SLC25A12: variants seen among roughly 807,000 people sequenced by gnomAD.
The protein encoded by SLC25A12 is electrogenic aspartate/glutamate antiporter SLC25A12, mitochondrial.
A neutral mutation model predicts 83.3 loss-of-function variants in SLC25A12; 32 were observed. The observed-to-expected ratio is 0.38, with a 90% confidence interval of 0.29 to 0.52. The LOEUF is 0.52. SLC25A12 is among the 20% of genes least tolerant of loss of function. The pLI is 0.84. For synonymous variants in SLC25A12, 267 were observed against 291.1 expected (o/e 0.92, Z 0.84); for missense variants, 611 against 835.6 (o/e 0.73, Z 3.31).
intron 9 of SLC25A12, among the ~76,000 whole-genome samples, chr2:171,824,454 T>G (rs1684257413): frequency 6.6e-6 from 1 of 152,164 alleles, no homozygotes; most frequent in African/African-American, 2.4e-5. Flanking sequence ...ACTTTTAAAT[T>G]CAATGTTTTT....
At chr2:171,864,168 A>G (rs1685230732) in intron 3 of SLC25A12, among the ~76,000 whole-genome samples, 1 of 152,204 alleles carries the variant, frequency 6.6e-6, no homozygotes, top group Non-Finnish European at 1.5e-5. Context: ...TGGTAATGGA[A>G]ATAATTTTTA....
At chr2:171,878,775 T>C (rs572294727) in intron 2 of SLC25A12, among the ~76,000 whole-genome samples, 2 of 152,298 alleles carry the variant, frequency 1.3e-5, no homozygotes, top group East Asian at 1.9e-4. Flanking sequence ...ATTTCCCACA[T>C]AGAAAAATGA....
chr2:171,889,864 C>A (rs556528220), intron 2 of SLC25A12, among the ~76,000 whole-genome samples: 8 of 152,314 alleles, frequency 5.3e-5, no homozygotes, highest in Admixed American at 5.2e-4. Flanking sequence ...GGATATTAAA[C>A]CTGCTTCATA....
intron 2 of SLC25A12, among the ~76,000 whole-genome samples, chr2:171,888,511 G>C (rs547017787): frequency 1.3e-5 from 2 of 151,942 alleles, no homozygotes; most frequent in South Asian, 2.1e-4. Context: ...GCACAATCTC[G>C]GCTCACTGCA....
chr2:171,863,939 A>G (rs560438504), intron 3 of SLC25A12, among the ~76,000 whole-genome samples: 3 of 152,342 alleles, frequency 2.0e-5, no homozygotes, highest in African/African-American at 2.4e-5. Context: ...TAAATGATAT[A>G]AAATCTTTCC....
intron 17 of SLC25A12, among the ~76,000 whole-genome samples, chr2:171,785,981 C>G (rs1417321921): frequency 6.6e-6 from 1 of 151,980 alleles, no homozygotes; most frequent in African/African-American, 2.4e-5. Flanking sequence ...GCACTTAGCA[C>G]ATATGAAAGT....
In SLC25A12 at chr2:171,826,794, A is replaced by AT. The variant is rs746487507; in HGVS notation, c.930+3dup. On this transcript the variant is annotated splice_donor_region_variant and intron_variant, in intron 9 of 17. Transcript: ENST00000422440. ...GGTGATCATATTTATGAGATTACTC[A>AT]TACCTGTCTCTGAAGTTCTGCCAGG... 34 of 1,534,454 alleles carry AT rather than the reference A, an allele frequency of 2.2e-5. No individual in the cohort carries two copies. The African/African-American group carries it at 4.0e-4, about 18-fold the overall frequency.
chr2:171,801,469 C>T (rs1683706594), intron 13 of SLC25A12, among the ~76,000 whole-genome samples: 2 of 152,130 alleles, frequency 1.3e-5, no homozygotes, highest in South Asian at 2.1e-4. Context: ...CATAATCAAA[C>T]ATTCAATTAT....
At chr2:171,887,809 T>C (rs932421456) in intron 2 of SLC25A12, among the ~76,000 whole-genome samples, 1 of 152,212 alleles carries the variant, frequency 6.6e-6, no homozygotes, top group Non-Finnish European at 1.5e-5. Flanking sequence ...AATTCATTTG[T>C]TGTACTCCAA....
intron 13 of SLC25A12, among the ~76,000 whole-genome samples, chr2:171,803,895 T>G (rs977217244): frequency 2.6e-5 from 4 of 152,086 alleles, no homozygotes; most frequent in Non-Finnish European, 5.9e-5. Flanking sequence ...CTAGTAGGGA[T>G]GCAAAAGGAT....
At chr2:171,817,904 C>T (rs1258539427) in intron 9 of SLC25A12, among the ~76,000 whole-genome samples, 1 of 152,110 alleles carries the variant, frequency 6.6e-6, no homozygotes, top group Non-Finnish European at 1.5e-5. Flanking sequence ...CTACAAAATC[C>T]TATGAAAACT....
chr2:171,867,127 G>A (rs1197470481), intron 3 of SLC25A12, among the ~76,000 whole-genome samples: 1 of 151,732 alleles, frequency 6.6e-6, no homozygotes, highest in Non-Finnish European at 1.5e-5. Flanking sequence ...CGGCCGGGCA[G>A]AGACGCTCCT....
chr2:171,885,301 C>G (rs1215253802), intron 2 of SLC25A12, among the ~76,000 whole-genome samples: 11 of 151,322 alleles, frequency 7.3e-5, no homozygotes, highest in Admixed American at 7.3e-4. Context: ...GTCTCACTAT[C>G]CTGCTAGTCT....
chr2:171,801,905 A>ATGTG (rs1278029249), intron 13 of SLC25A12, among the ~76,000 whole-genome samples: 5 of 96,222 alleles, frequency 5.2e-5, no homozygotes, highest in African/African-American at 2.1e-4. Flanking sequence ...GAATATCTGG[A>ATGTG]TCTGTGTGTG....
intron 3 of SLC25A12, among the ~76,000 whole-genome samples, chr2:171,862,646 C>T (rs149603289): frequency 1.3e-5 from 2 of 152,316 alleles, no homozygotes; most frequent in Non-Finnish European, 1.5e-5. Flanking sequence ...ATTTTTCTCA[C>T]ACACTTAACC....
chr2:171,813,767 G>A (rs1040068395), intron 10 of SLC25A12, among the ~76,000 whole-genome samples: 3 of 152,128 alleles, frequency 2.0e-5, no homozygotes, highest in Admixed American at 6.5e-5. Context: ...GTGGATTATC[G>A]AGTCACTTCC....
intron 13 of SLC25A12, among the ~76,000 whole-genome samples, chr2:171,795,513 T>C (rs1326793167): frequency 1.3e-5 from 2 of 152,236 alleles, no homozygotes; most frequent in African/African-American, 2.4e-5. Context: ...ATCTCTTGTT[T>C]AAATAATGGT....
chr2:171,864,740 A>T (rs1685247523), intron 3 of SLC25A12, among the ~76,000 whole-genome samples: 1 of 152,152 alleles, frequency 6.6e-6, no homozygotes, highest in Non-Finnish European at 1.5e-5. Flanking sequence ...CTCTTCTGTG[A>T]TGCTGTCCTG....
At position 171,791,667 on chromosome 2, in the gene SLC25A12, GTCAGTGACAAGCTTGAGGTGTCCC is replaced by G. The variant is rs1477012997; in HGVS notation, c.1447-102_1447-79del. 1.7e-5 allele frequency: 24 copies of G among 1,388,338 alleles called. 1 individual carries two copies. In the Admixed American group the frequency reaches 3.7e-4, roughly 21 times the overall value. 86.0% of individuals were successfully genotyped at this position (1,388,338 alleles called of 1,614,324 possible). On this transcript the variant is annotated intron_variant, in intron 14 of 17. Transcript: ENST00000422440. ...CCCAAATGGGATCCATGTGACATTT[GTCAGTGACAAGCTTGAGGTGTCCC>G]TCAGTGACAAGCCTGAGGTGTCCCT... is the stretch of plus-strand genomic sequence containing the variant.
Sources: allele counts gnomAD v4.1 joint callset (sites outside exome capture counted in the v4.1 genomes callset), GRCh38; gene constraint gnomAD v4.1.1; transcripts MANE v1.5; gene names NCBI Gene and HGNC (gene_info 2026-07-23, HGNC 2026-07-21).